The following ARF1 variants were observed in gnomAD, a reference collection of about 807,000 sequenced individuals.
The protein encoded by ARF1 is ARF GTPase 1, also known as ADP-ribosylation factor 1.
Under a neutral mutation model 18.0 loss-of-function variants are expected in ARF1, and 1 was observed. The ratio of observed to expected loss-of-function variants is 0.06; its 90% confidence interval spans 0.02 to 0.26. The LOEUF (loss-of-function observed/expected upper bound fraction) is 0.26. Among genes scored for constraint, ARF1 ranks in the 10% least tolerant of loss-of-function variants. ARF1 has a pLI of 1.00. For missense variants in ARF1, 73 were observed against 247.2 expected (o/e 0.30, Z 4.73); for synonymous variants, 112 against 96.3 (o/e 1.16, Z -0.95).
At chr1:228,090,474 A>C (rs1303471838) in intron 1 of ARF1, 2 of 152,184 alleles carry the variant, frequency 1.3e-5, no homozygotes, top group Non-Finnish European at 2.9e-5. Flanking sequence ...TGTGTTTCTT[A>C]GCTGTTCCTC....
intron 1 of ARF1, among the ~76,000 whole-genome samples, chr1:228,088,770 G>C (rs1248553187): frequency 2.0e-5 from 3 of 152,200 alleles, no homozygotes; most frequent in Non-Finnish European, 4.4e-5. Flanking sequence ...GCGTGGTTGT[G>C]AAGTCACTTT....
intron 1 of ARF1, among the ~76,000 whole-genome samples, chr1:228,092,934 C>T (rs183737434): frequency 6.6e-6 from 1 of 152,326 alleles, no homozygotes; most frequent in East Asian, 1.9e-4. Flanking sequence ...CTGTCCCGTT[C>T]TTTGGTGTAA....
intron 1 of ARF1, among the ~76,000 whole-genome samples, chr1:228,084,592 G>A (rs1017457989): frequency 1.3e-5 from 2 of 152,176 alleles, no homozygotes; most frequent in African/African-American, 4.8e-5. Flanking sequence ...CTAGCTATGG[G>A]CTGTACCTCT....
chr1:228,094,863 C>T (rs1285241764), intron 1 of ARF1, among the ~76,000 whole-genome samples: 1 of 152,150 alleles, frequency 6.6e-6, no homozygotes, highest in Non-Finnish European at 1.5e-5. Context: ...GTCATTTGCC[C>T]CTGTGCATTC....
At chr1:228,091,309 C>G (rs2032569369) in intron 1 of ARF1, among the ~76,000 whole-genome samples, 1 of 152,194 alleles carries the variant, frequency 6.6e-6, no homozygotes, top group Admixed American at 6.5e-5. Context: ...ATAATGCCCT[C>G]CCTTAACTCA....
chr1:228,097,721 C>A lies in ARF1; in HGVS notation c.384+6C>A. ...TGGTGTTCGCCAACAAGCAGGTAGG[C>A]GCCCGGGCCAGCCTGGGGAATGTGA... is the stretch of plus-strand genomic sequence containing the variant. On this transcript the variant is annotated splice_donor_region_variant and intron_variant, in intron 4 of 4. Coordinates refer to ENST00000272102, the MANE Select transcript of ARF1 (RefSeq NM_001658.4). The surrounding 1 kb of genome is among the most constrained non-coding windows in gnomAD (Gnocchi z 8.1). 1 of 1,603,614 alleles carries A rather than the reference C, an allele frequency of 6.2e-7. No homozygotes were observed. The highest frequency in any genetic ancestry group is 8.5e-7 in the Non-Finnish European group (1 of 1,174,044).
In ARF1 at chr1:228,097,070, C is replaced by T; in HGVS notation, c.-37-8C>T. ...CAGAACCAGACATGGAGCACCTTGTCTCTCCAGGTGTCCCTGGCCAGTGTC... is the reference window on the plus strand; with the variant it reads ...CAGAACCAGACATGGAGCACCTTGTTTCTCCAGGTGTCCCTGGCCAGTGTC... On this transcript the variant is annotated splice_region_variant and splice_polypyrimidine_tract_variant and intron_variant, in intron 1 of 4. Transcript: ENST00000272102. The surrounding 1 kb of genome is among the most constrained non-coding windows in gnomAD (Gnocchi z 8.1). The T allele has an allele frequency of 6.4e-7, 1 of 1,553,550 alleles. No homozygotes were observed. Among genetic ancestry groups the T allele is most frequent in the Non-Finnish European group, 8.7e-7 (1 of 1,149,184 alleles).
chr1:228,093,598 T>C (rs1315712062), intron 1 of ARF1, among the ~76,000 whole-genome samples: 1 of 147,620 alleles, frequency 6.8e-6, no homozygotes, highest in African/African-American at 2.5e-5. Context: ...TTCCCTCCTT[T>C]GGGGACTCTT....
rs965881257 is a variant in ARF1, at chr1:228,089,828, G to T, written c.-38+7063G>T. On this transcript the variant is annotated intron_variant, in intron 1 of 4. Coordinates refer to ENST00000272102, the MANE Select transcript of ARF1 (RefSeq NM_001658.4). The surrounding 1 kb of genome is among the most constrained non-coding windows in gnomAD (Gnocchi z 4.1). ...CCCACACAATGGTGGGCCTATGTTC[G>T]TCCAGAACAGTGCCTGGCAGTAGCT... Among the ~76,000 whole-genome samples, 5 of 151,998 alleles carry T rather than the reference G, an allele frequency of 3.3e-5. No homozygotes were observed. The highest frequency in any genetic ancestry group is 2.0e-4 in the Admixed American group (3 of 15,266).
At chr1:228,085,306 C>G (rs891112379) in intron 1 of ARF1, among the ~76,000 whole-genome samples, 1 of 152,262 alleles carries the variant, frequency 6.6e-6, no homozygotes, top group African/African-American at 2.4e-5. Context: ...GTTACAAGCT[C>G]TCTAAGGCAT....
At position 228,093,370 on chromosome 1, in the gene ARF1, G is replaced by A. The variant is rs571194077; in HGVS notation, c.-37-3708G>A. Among the ~76,000 whole-genome samples, 57 of 152,276 alleles carry A rather than the reference G, an allele frequency of 3.7e-4. 1 individual carries two copies. The highest frequency in any genetic ancestry group is 1.3e-3 in the African/African-American group (56 of 41,546). On this transcript the variant is annotated intron_variant, in intron 1 of 4. Transcript: ENST00000272102. The stretch of plus-strand genomic sequence containing the variant: ...CTCTATTGGGTCTCCATCTGTCACA[G>A]AAGCAGTAAATGATGTAGGGGCTGC...
rs1468158738 is a variant in ARF1, at chr1:228,089,433, G to C, written c.-38+6668G>C. On this transcript the variant is annotated intron_variant, in intron 1 of 4. Transcript: ENST00000272102. The surrounding 1 kb of genome is among the most constrained non-coding windows in gnomAD (Gnocchi z 4.1). ...GAGTGGGGTGGGGTGGCAAGGTGGT[G>C]CTCGTCCCAAAGCTGGGGGAAACCT... Among the ~76,000 whole-genome samples the C allele has an allele frequency of 6.6e-6, 1 of 152,204 alleles. No individual in the cohort carries two copies. The highest frequency in any genetic ancestry group is 1.9e-4 in the East Asian group (1 of 5,190).
Position 228,097,286 on chromosome 1 carries a change from T to TG in ARF1, c.148+27dup. 2 of 1,604,980 alleles carry TG rather than the reference T, an allele frequency of 1.2e-6. No individual in the cohort carries two copies. The highest frequency in any genetic ancestry group is 1.7e-6 in the Non-Finnish European group (2 of 1,174,610). On this transcript the variant is annotated intron_variant, in intron 2 of 4. Coordinates refer to ENST00000272102, the MANE Select transcript of ARF1 (RefSeq NM_001658.4). The surrounding 1 kb of genome is among the most constrained non-coding windows in gnomAD (Gnocchi z 8.1). The stretch of plus-strand genomic sequence containing the variant: ...AGGTGAGGTGGGGGCCAGCAGGGAG[T>TG]GGGCTGGGCTGGGCTGGGCCAAGGT...
chr1:228,091,047 A>C (rs1390839075), intron 1 of ARF1: 1 of 152,252 alleles, frequency 6.6e-6, no homozygotes, highest in East Asian at 1.9e-4. Flanking sequence ...AAATACCAAG[A>C]AGCAAGAAAT....
At chr1:228,088,971 T>C (rs1225284165) in intron 1 of ARF1, among the ~76,000 whole-genome samples, 1 of 152,166 alleles carries the variant, frequency 6.6e-6, no homozygotes, top group Non-Finnish European at 1.5e-5. Flanking sequence ...GTGGGGCAGC[T>C]CTGAGTAGAA....
chr1:228,096,796 C>T (rs2032760354), intron 1 of ARF1, among the ~76,000 whole-genome samples: 1 of 152,222 alleles, frequency 6.6e-6, no homozygotes, highest in Admixed American at 6.5e-5. Flanking sequence ...GCCAGCCTCC[C>T]CTCCTGCATA....
At chr1:228,093,266 A>G (rs2032627884) in intron 1 of ARF1, among the ~76,000 whole-genome samples, 1 of 152,146 alleles carries the variant, frequency 6.6e-6, no homozygotes, top group Non-Finnish European at 1.5e-5. Context: ...CCTGGGCATG[A>G]CACAAGTTAG....
At chr1:228,092,473 G>A (rs2032606382) in intron 1 of ARF1, among the ~76,000 whole-genome samples, 1 of 152,172 alleles carries the variant, frequency 6.6e-6, no homozygotes, top group East Asian at 1.9e-4. Flanking sequence ...GATGTCACTG[G>A]CTTTCCATGT....
intron 1 of ARF1, among the ~76,000 whole-genome samples, chr1:228,085,342 C>T (rs1009489286): frequency 2.0e-5 from 3 of 152,242 alleles, no homozygotes; most frequent in African/African-American, 4.8e-5. Flanking sequence ...CTTACAGCTG[C>T]GCAGCTGCCG....
Sources: allele counts gnomAD v4.1 joint callset (sites outside exome capture counted in the v4.1 genomes callset), GRCh38; gene constraint gnomAD v4.1.1; non-coding constraint Gnocchi (gnomAD v3.1); transcripts MANE v1.5; gene names NCBI Gene and HGNC (gene_info 2026-07-23, HGNC 2026-07-21).